NRK: variants seen among roughly 807,000 people sequenced by gnomAD.
NRK encodes the protein nik-related protein kinase.
NRK carries 67 observed loss-of-function variants against 125.2 expected under a neutral mutation model. That is an observed-to-expected ratio of 0.54 (90% CI 0.44 to 0.66). NRK has a LOEUF of 0.66. Ranked by LOEUF, NRK falls within the 30% of genes least tolerant of loss-of-function variation. NRK has a pLI of 0.00. For synonymous variants in NRK, 458 were observed against 429.0 expected (o/e 1.07, Z -0.84); for missense variants, 1,224 against 1,192.9 (o/e 1.03, Z -0.38).
intron 19 of NRK, 31 bp from the exon 20 acceptor site, chrX:105,934,227 A>C (rs778215770): frequency 6.7e-6 from 7 of 1,044,547 alleles, no homozygotes; most frequent in Middle Eastern, 2.6e-4. Flanking sequence ...CCTACTAATG[A>C]AATAAAAATT....
At chrX:105,923,001 T>C in intron 17 of NRK, 117 bp from the exon 18 acceptor site, 1 of 777,622 alleles carries the variant, frequency 1.3e-6, no homozygotes, top group Non-Finnish European at 1.8e-6. Flanking sequence ...ATCTAATGAG[T>C]GAACATCCTT....
Position 105,908,953 on chromosome X carries a change from C to T in NRK, c.1312C>T (p.Arg438Ter), listed in dbSNP as rs2040256168. ...PLKGQAQAPQ[R>*]LQGAARVFMP... is the part of the protein sequence containing the mutation. ...AAAGGGGCAGGCTCAGGCACCTCAA[C>T]GACTACAAGGGGCAGCTCGGGTGTT... Residue 438 changes from arginine (R) to a stop codon, truncating the protein, a stop_gained, in exon 13 of 29, where the codon CGA (arginine) becomes TGA (stop). Coordinates refer to ENST00000243300, the MANE Select transcript of NRK (RefSeq NM_198465.4). LOFTEE classifies it high-confidence loss of function. 2 of 1,209,651 alleles carry T rather than the reference C, an allele frequency of 1.7e-6. No individual in the cohort carries two copies. The highest frequency in any genetic ancestry group is 2.2e-6 in the Non-Finnish European group (2 of 893,968).
At chrX:105,897,910 A>C (rs753412943) in intron 7 of NRK, among the ~76,000 whole-genome samples, 1 of 111,141 alleles carries the variant, frequency 9.0e-6, no homozygotes, top group Non-Finnish European at 1.9e-5. Context: ...AATCTACTTC[A>C]TTTTTCATCC....
At chrX:105,831,027 A>T in intron 1 of NRK, 27 bp from the exon 2 acceptor site, 2 of 969,410 alleles carry the variant, frequency 2.1e-6, no homozygotes, top group African/African-American at 3.8e-5. Flanking sequence ...TAAGAAGATT[A>T]ACAATTTTTA....
At chrX:105,855,017 G>A (rs901683429) in intron 2 of NRK, among the ~76,000 whole-genome samples, 7 of 111,960 alleles carry the variant, frequency 6.3e-5, no homozygotes, top group African/African-American at 9.7e-5. Flanking sequence ...GACTTAAGTT[G>A]CATTTGAGAA....
chrX:105,955,510 CT>C lies in NRK; in HGVS notation c.4662del (p.Phe1554LeufsTer15). 8.5e-7 allele frequency: 1 copy of C among 1,174,273 alleles called. No homozygotes were observed. Among genetic ancestry groups the C allele is most frequent in the Non-Finnish European group, 1.2e-6 (1 of 868,629 alleles). On this transcript the variant is annotated frameshift_variant, in exon 29 of 29. Transcript: ENST00000243300. LOFTEE classifies it high-confidence loss of function. Reference protein sequence around the residue: ...FLCTRGDKLFFTSTLRNHHSR... With the variant: ...FLCTRGDKLFXTSTLRNHHSR... ...GTATTTCTTTCTTTTTCAAGCTGTT[CT>C]TTACCTCTACCCTGCGCAATCACCA...
At chrX:105,842,429 G>T (rs2039342291) in intron 2 of NRK, among the ~76,000 whole-genome samples, 1 of 111,491 alleles carries the variant, frequency 9.0e-6, no homozygotes, top group Non-Finnish European at 1.9e-5. Flanking sequence ...TCTGAGGCAA[G>T]GGTGTTTTTC....
At chrX:105,895,571 A>G (rs761422287) in intron 7 of NRK, 48 bp downstream of exon 7, 4 of 812,153 alleles carry the variant, frequency 4.9e-6, no homozygotes, top group Non-Finnish European at 7.5e-6. Context: ...CTTAATGGAG[A>G]AAGCTCCTTT....
chrX:105,925,409 A>G (rs185379424), intron 19 of NRK, among the ~76,000 whole-genome samples: 14 of 111,729 alleles, frequency 1.3e-4, no homozygotes, highest in African/African-American at 4.2e-4. Context: ...GGTATTTAGC[A>G]TGTCTATCAC....
chrX:105,850,614 A>T (rs2039460718), intron 2 of NRK, among the ~76,000 whole-genome samples: 1 of 112,324 alleles, frequency 8.9e-6, no homozygotes, highest in African/African-American at 3.2e-5. Context: ...TTTGCTGCTT[A>T]GAAGTTTCTT....
At chrX:105,840,403 A>G (rs1009877300) in intron 2 of NRK, among the ~76,000 whole-genome samples, 8 of 111,831 alleles carry the variant, frequency 7.2e-5, no homozygotes, top group Non-Finnish European at 1.5e-4. Flanking sequence ...ATTTCTGCAG[A>G]TGCTTAATCC....
chrX:105,890,173 GC>G (rs1910022684), intron 5 of NRK, among the ~76,000 whole-genome samples: 1 of 111,471 alleles, frequency 9.0e-6, no homozygotes, highest in Non-Finnish European at 1.9e-5. Flanking sequence ...GCAAAATTCC[GC>G]CAGTCTCTTT....
At position 105,934,365 on chromosome X, in the gene NRK, A is replaced by G. The variant is rs748098107; in HGVS notation, c.3420A>G (p.Gln1140=). The G allele has an allele frequency of 2.5e-6, 3 of 1,201,203 alleles. No homozygotes were observed. Among genetic ancestry groups the G allele is most frequent in the Middle Eastern group, 2.3e-4 (1 of 4,356 alleles). The change falls in exon 20 of 29, where the codon CAA becomes CAG. Residue 1140 remains glutamine, a synonymous_variant. Transcript: ENST00000243300. ...DNKDISESST[Q]SDFSANHSSP... is the part of the protein sequence containing the mutation. ...AGGACATATCAGAATCATCAACACA[A>G]TCAGATTTTTCTGCCAATCACTCAT...
chrX:105,909,971 T>C (rs1027051649), intron 13 of NRK, 89 bp downstream of exon 13: 2 of 712,817 alleles, frequency 2.8e-6, no homozygotes, highest in African/African-American at 4.4e-5. Flanking sequence ...TAAAACCAAA[T>C]GAAATAAATA....
At chrX:105,849,765 TC>T (rs1274572938) in intron 2 of NRK, among the ~76,000 whole-genome samples, 3 of 111,991 alleles carry the variant, frequency 2.7e-5, no homozygotes, top group African/African-American at 9.7e-5. Flanking sequence ...CACATTCAGG[TC>T]ACATGATGCA....
chrX:105,902,937 C>G (rs1480871251), intron 9 of NRK, among the ~76,000 whole-genome samples: 1 of 111,355 alleles, frequency 9.0e-6, no homozygotes, highest in Non-Finnish European at 1.9e-5. Context: ...TGTAGTGGCT[C>G]TAGAAAGAGA....
intron 13 of NRK, among the ~76,000 whole-genome samples, chrX:105,910,095 T>C (rs982432257): frequency 5.3e-5 from 6 of 112,217 alleles, no homozygotes; most frequent in Non-Finnish European, 9.4e-5. Flanking sequence ...GTATCTCTAC[T>C]GAAATATAGC....
chrX:105,893,585 C>T (rs1413734201), intron 5 of NRK, among the ~76,000 whole-genome samples: 1 of 111,807 alleles, frequency 8.9e-6, no homozygotes, highest in Non-Finnish European at 1.9e-5. Flanking sequence ...TAGCTCAAAC[C>T]CCAACTTCCA....
chrX:105,888,832 G>A lies in NRK; in HGVS notation c.378+413G>A, dbSNP rs368535959. Reference sequence around the variant, plus strand: ...CCATGAGAACAGCGTGGGAAAGACCGGCCCCCATGATTCAGTTACCTCCCA... The same window carrying A: ...CCATGAGAACAGCGTGGGAAAGACCAGCCCCCATGATTCAGTTACCTCCCA... On this transcript the variant is annotated intron_variant, in intron 5 of 28. Coordinates refer to ENST00000243300, the MANE Select transcript of NRK (RefSeq NM_198465.4). 4.8e-3 allele frequency among the ~76,000 whole-genome samples: 528 copies of A among 110,737 alleles called. 3 individuals are homozygous for A. The highest frequency in any genetic ancestry group is 0.017 in the African/African-American group (508 of 30,387).
Sources: gnomAD v4.1 joint callset for allele counts (sites outside exome capture counted in the v4.1 genomes callset) on GRCh38, gnomAD v4.1.1 for gene constraint, MANE v1.5 for transcripts, NCBI Gene and HGNC (gene_info 2026-07-23, HGNC 2026-07-21) for gene names.